GPC6: variants seen among roughly 807,000 people sequenced by gnomAD.
GPC6 encodes the protein glypican 6, also known as glypican-6.
A neutral mutation model predicts 55.2 loss-of-function variants in GPC6; 14 were observed. The observed-to-expected ratio is 0.25, with a 90% CI of 0.17 to 0.40. The LOEUF (loss-of-function observed/expected upper bound fraction) is 0.40, where lower values mean the gene tolerates loss of function less well. Among genes scored for constraint, GPC6 ranks in the 10% least tolerant of loss-of-function variants. The pLI is 1.00. For synonymous variants in GPC6, 278 were observed against 259.6 expected (o/e 1.07, Z -0.68); for missense variants, 641 against 708.5 (o/e 0.90, Z 1.08).
At chr13:94,289,895 G>T (rs924954933) in intron 5 of GPC6, among the ~76,000 whole-genome samples, 2 of 152,124 alleles carry the variant, frequency 1.3e-5, no homozygotes, top group African/African-American at 4.8e-5. Context: ...AATTAAAATG[G>T]CAGTTCTCAA....
At chr13:94,288,784 ATATAATAAATATATATATTTGT>A (rs1874700259) in intron 5 of GPC6, among the ~76,000 whole-genome samples, 1 of 72,024 alleles carries the variant, frequency 1.4e-5, no homozygotes, top group African/African-American at 9.8e-5. Flanking sequence ...TTTGTTATAT[ATATAATAAATATATATATTTGT>A]TATATATAAT....
rs557588133 is a variant in GPC6 at position 93,533,520 on chromosome 13, G to A, written c.161-11743G>A. On this transcript the variant is annotated intron_variant, in intron 1 of 8. Coordinates refer to ENST00000377047, the MANE Select transcript of GPC6 (RefSeq NM_005708.5). ...GAATTTCAATAATTCTAGGATGAGA[G>A]AACTCTGACATAGACTGTATACTCT... is the stretch of plus-strand genomic sequence containing the variant. Among the ~76,000 whole-genome samples the A allele has an allele frequency of 5.3e-5, 8 of 152,286 alleles. No individual in the cohort carries two copies. In the South Asian group the frequency reaches 1.0e-3, roughly 20 times the overall value.
intron 1 of GPC6, among the ~76,000 whole-genome samples, chr13:93,439,439 G>A (rs994489723): frequency 8.7e-4 from 132 of 152,186 alleles, no homozygotes; most frequent in African/African-American, 3.0e-3. Flanking sequence ...GTTTCCCTGT[G>A]CAAGTTCTTT....
chr13:94,303,324 A>C (rs1281679227), intron 5 of GPC6, among the ~76,000 whole-genome samples: 1 of 152,160 alleles, frequency 6.6e-6, no homozygotes, highest in African/African-American at 2.4e-5. Flanking sequence ...TTGCCTAATT[A>C]GCATTTTAAG....
intron 4 of GPC6, among the ~76,000 whole-genome samples, chr13:94,035,161 A>G (rs1449973310): frequency 3.3e-5 from 5 of 152,080 alleles, no homozygotes; most frequent in African/African-American, 1.2e-4. Context: ...TATATATAAA[A>G]CGTACTTGTT....
At chr13:93,332,399 T>C (rs1004880730) in intron 1 of GPC6, among the ~76,000 whole-genome samples, 10 of 152,050 alleles carry the variant, frequency 6.6e-5, no homozygotes, top group African/African-American at 2.4e-4. Context: ...TTTTTAATAA[T>C]AGCCATTTTA....
intron 4 of GPC6, among the ~76,000 whole-genome samples, chr13:94,166,556 A>G (rs373140386): frequency 3.2e-4 from 49 of 152,318 alleles, no homozygotes; most frequent in Middle Eastern, 6.8e-3. Flanking sequence ...GGTCTTATAA[A>G]TAGCTTTCCT....
intron 1 of GPC6, among the ~76,000 whole-genome samples, chr13:93,538,582 G>A (rs1326993906): frequency 6.6e-6 from 1 of 152,198 alleles, no homozygotes; most frequent in Non-Finnish European, 1.5e-5. Context: ...TAAGGTGATT[G>A]AAACTGAAAA....
At chr13:93,752,689 G>A (rs117554546) in intron 2 of GPC6, among the ~76,000 whole-genome samples, 1,593 of 152,184 alleles carry the variant, frequency 0.01, 28 homozygotes, top group Non-Finnish European at 0.011. Context: ...TTCCAGAAAC[G>A]TGTTCTCTGC....
intron 4 of GPC6, among the ~76,000 whole-genome samples, chr13:94,068,357 C>G (rs1274816208): frequency 6.6e-6 from 1 of 152,156 alleles, no homozygotes; most frequent in Non-Finnish European, 1.5e-5. Flanking sequence ...CACCAGGTTC[C>G]TCCCATGACA....
chr13:93,919,596 G>A (rs1877466437), intron 3 of GPC6, among the ~76,000 whole-genome samples: 1 of 152,188 alleles, frequency 6.6e-6, no homozygotes, highest in Admixed American at 6.5e-5. Flanking sequence ...ACGGGCCTCT[G>A]AAAGGAAGCA....
intron 4 of GPC6, among the ~76,000 whole-genome samples, chr13:94,133,625 A>G (rs1385694223): frequency 6.6e-6 from 1 of 152,034 alleles, no homozygotes; most frequent in Non-Finnish European, 1.5e-5. Flanking sequence ...TTTTTTTCAC[A>G]TTGTGGGTAT....
At chr13:94,350,045 A>C (rs960265327) in intron 6 of GPC6, among the ~76,000 whole-genome samples, 2 of 149,050 alleles carry the variant, frequency 1.3e-5, no homozygotes, top group African/African-American at 5.1e-5. Context: ...GCAAAGAAAA[A>C]ATATATATAT....
At chr13:93,384,886 G>T (rs182050091) in intron 1 of GPC6, among the ~76,000 whole-genome samples, 1 of 152,130 alleles carries the variant, frequency 6.6e-6, no homozygotes, top group Non-Finnish European at 1.5e-5. Flanking sequence ...ATACAAAAAC[G>T]CATCTTCTGA....
chr13:93,997,898 G>C (rs1040271622), intron 3 of GPC6, among the ~76,000 whole-genome samples: 1 of 152,112 alleles, frequency 6.6e-6, no homozygotes, highest in Non-Finnish European at 1.5e-5. Flanking sequence ...GTTGAGACAT[G>C]GTTACAATGA....
At chr13:93,271,424 C>G (rs1877521716) in intron 1 of GPC6, among the ~76,000 whole-genome samples, 3 of 151,796 alleles carry the variant, frequency 2.0e-5, no homozygotes, top group African/African-American at 7.3e-5. Context: ...AGGTTTAAGG[C>G]AAAAGTATTC....
intron 2 of GPC6, among the ~76,000 whole-genome samples, chr13:93,686,488 T>A (rs1362136285): frequency 1.3e-5 from 2 of 152,156 alleles, no homozygotes; most frequent in Non-Finnish European, 2.9e-5. Context: ...TTTTCTTCTG[T>A]ACCTCAGTAC....
intron 1 of GPC6, among the ~76,000 whole-genome samples, chr13:93,471,173 T>G (rs992834533): frequency 1.1e-4 from 17 of 152,134 alleles, no homozygotes; most frequent in African/African-American, 3.4e-4. Flanking sequence ...TGCTCCTTTT[T>G]TTCTAGCTAG....
chr13:93,419,990 A>C (rs1876867682), intron 1 of GPC6, among the ~76,000 whole-genome samples: 1 of 152,140 alleles, frequency 6.6e-6, no homozygotes, highest in Admixed American at 6.6e-5. Flanking sequence ...GAATAAAGGT[A>C]ACAGGCTCAT....
Sources: gnomAD v4.1 joint callset for allele counts (sites outside exome capture counted in the v4.1 genomes callset) on GRCh38, gnomAD v4.1.1 for gene constraint, MANE v1.5 for transcripts, NCBI Gene and HGNC (gene_info 2026-07-23, HGNC 2026-07-21) for gene names.